The following CEP41 variants were observed in gnomAD, a reference collection of about 807,000 sequenced individuals.
The protein encoded by CEP41 is centrosomal protein 41.
In CEP41, 32 loss-of-function variants were observed where a neutral mutation model predicts 44.3. The observed-to-expected ratio is 0.72, with a 90% CI of 0.54 to 0.97. CEP41 has a LOEUF of 0.97. Among genes scored for constraint, CEP41 ranks in the 50% least tolerant of loss-of-function variants. CEP41 has a pLI of 0.00. For synonymous variants in CEP41, 151 were observed against 168.5 expected, an observed-to-expected ratio of 0.90 and a Z score of 0.80; for missense variants, 432 against 455.2, an observed-to-expected ratio of 0.95 and a Z score of 0.46.
At chr7:130,414,320 C>T (rs1457093038) in intron 3 of CEP41, among the ~76,000 whole-genome samples, 3 of 152,284 alleles carry the variant, frequency 2.0e-5, no homozygotes, top group East Asian at 1.9e-4. Flanking sequence ...CCAAATAGGC[C>T]GAGCTGAGGC....
chr7:130,404,424 T>C, intron 6 of CEP41, 140 bp downstream of exon 6: 1 of 699,186 alleles, frequency 1.4e-6, no homozygotes, highest in South Asian at 1.6e-5. Flanking sequence ...AAAGATAAAG[T>C]AGAAGGCTGG....
chr7:130,397,881 T>C lies in CEP41; in HGVS notation c.*1010A>G, dbSNP rs782213579. 5.1e-5 allele frequency: 23 copies of C among 453,024 alleles called. No individual in the cohort carries two copies. Among genetic ancestry groups the C allele is most frequent in the South Asian group, 2.8e-4 (18 of 64,458 alleles). 28.1% of individuals were successfully genotyped at this position (453,024 alleles called of 1,614,324 possible). ...ACAGTTCAGTCATGAGAATGAAAAG[T>C]AAGCAGGAAATTGCACTAATTACTC... On this transcript the variant is annotated 3_prime_UTR_variant, in exon 11 of 11. Transcript: ENST00000223208.
At chr7:130,406,565 C>G (rs1797015910) in intron 5 of CEP41, among the ~76,000 whole-genome samples, 1 of 151,940 alleles carries the variant, frequency 6.6e-6, no homozygotes, top group Non-Finnish European at 1.5e-5. Flanking sequence ...GCCTGGGCAA[C>G]AGAGCAGGAC....
chr7:130,441,577 C>T (rs116510051), upstream of CEP41, among the ~76,000 whole-genome samples: 390 of 152,312 alleles, frequency 2.6e-3, 1 homozygote, highest in African/African-American at 9.0e-3. Flanking sequence ...TTTAGGCTAG[C>T]TATAGAGCGA....
At chr7:130,432,494 G>A (rs573391379) in intron 1 of CEP41, among the ~76,000 whole-genome samples, 3 of 148,276 alleles carry the variant, frequency 2.0e-5, no homozygotes, top group East Asian at 4.0e-4. Context: ...GCTCACACCC[G>A]TAATCCCATT....
intron 2 of CEP41, among the ~76,000 whole-genome samples, chr7:130,423,207 C>A (rs1260714673): frequency 6.6e-6 from 1 of 152,198 alleles, no homozygotes; most frequent in African/African-American, 2.4e-5. Context: ...CTCGGCCTCC[C>A]AAAGTGCTGG....
chr7:130,423,532 G>T (rs1045331017), intron 2 of CEP41, among the ~76,000 whole-genome samples: 1 of 152,224 alleles, frequency 6.6e-6, no homozygotes, highest in South Asian at 2.1e-4. Flanking sequence ...ATGTGAAGTG[G>T]TGTGGCTGCT....
chr7:130,430,577 C>T (rs892512681), intron 1 of CEP41, among the ~76,000 whole-genome samples: 1 of 152,082 alleles, frequency 6.6e-6, no homozygotes, highest in Non-Finnish European at 1.5e-5. Context: ...GGAAAACATA[C>T]AAAGATTGAA....
chr7:130,399,233 C>A, intron 10 of CEP41, 194 bp from the exon 11 acceptor site: 2 of 662,548 alleles, frequency 3.0e-6, no homozygotes. Context: ...GGGAGGGGGA[C>A]AGAAATGAAG....
rs56874452 is a variant in CEP41 at position 130,432,588 on chromosome 7, CAAAAAAA to C, written c.34-4577_34-4571del. 0.012 allele frequency among the ~76,000 whole-genome samples: 727 copies of C among 59,928 alleles called. 46 individuals carry two copies. The East Asian group carries it at 0.23, about 19-fold the overall frequency. 39.3% of individuals were successfully genotyped at this position (59,928 alleles called of 152,430 possible). ...GCAACACAGGGAAACTTTGTTTCCACAAAAAAAAAAAAAAAAAAAAAAAAATTAGCTG... is the reference window on the plus strand; with the variant it reads ...GCAACACAGGGAAACTTTGTTTCCACAAAAAAAAAAAAAAAAAATTAGCTG... On this transcript the variant is annotated intron_variant, in intron 1 of 10. Transcript: ENST00000223208.
At chr7:130,417,242 T>C in intron 2 of CEP41, 1 of 1,238,440 alleles carries the variant, frequency 8.1e-7, no homozygotes, top group Non-Finnish European at 1.0e-6. Context: ...CAGATGATCA[T>C]TTTCTATCAG....
At chr7:130,406,675 G>T (rs1554418281) in intron 5 of CEP41, among the ~76,000 whole-genome samples, 1 of 152,018 alleles carries the variant, frequency 6.6e-6, no homozygotes. Context: ...AACGTACCTA[G>T]AAATTTTAAG....
At chr7:130,438,788 G>A (rs1354469967) in intron 1 of CEP41, among the ~76,000 whole-genome samples, 1 of 151,934 alleles carries the variant, frequency 6.6e-6, no homozygotes, top group Non-Finnish European at 1.5e-5. Context: ...CCACCCCCAT[G>A]ATACACAATA....
intron 3 of CEP41, among the ~76,000 whole-genome samples, chr7:130,413,779 C>T (rs552883072): frequency 8.5e-5 from 13 of 152,248 alleles, no homozygotes; most frequent in African/African-American, 3.1e-4. Flanking sequence ...GGTTAGCTTC[C>T]TTAAACTGTT....
intron 5 of CEP41, among the ~76,000 whole-genome samples, chr7:130,405,874 G>A (rs899609966): frequency 1.3e-5 from 2 of 152,144 alleles, no homozygotes; most frequent in South Asian, 4.1e-4. Context: ...CTACAGGTTT[G>A]TGTGAGCTGG....
At position 130,409,979 on chromosome 7, in the gene CEP41, C is replaced by T. The variant is rs1482227415; in HGVS notation, c.277+1143G>A. ...TAACTTGTACCTGTTGAGATTCTAC[C>T]CCACTTCAAGGCCCAGTTCCAGTGC... On this transcript the variant is annotated intron_variant, in intron 5 of 10. Transcript: ENST00000223208. 9.3e-5 allele frequency among the ~76,000 whole-genome samples: 14 copies of T among 151,268 alleles called. No individual in the cohort carries two copies. The East Asian group carries it at 2.7e-3, about 29-fold the overall frequency.
intron 5 of CEP41, among the ~76,000 whole-genome samples, chr7:130,410,263 G>A (rs906027763): frequency 1.3e-5 from 2 of 151,764 alleles, no homozygotes; most frequent in East Asian, 1.9e-4. Context: ...TCCTGACCTC[G>A]TGATCTGCCC....
chr7:130,432,961 G>A lies in CEP41; in HGVS notation c.34-4943C>T, dbSNP rs78074724. ...AACATTTAAGGTCAGGTGGAGGAGA[G>A]GCACCTGGGATGAAACTCAGAAGAG... On this transcript the variant is annotated intron_variant, in intron 1 of 10. Transcript: ENST00000223208. Among the ~76,000 whole-genome samples, 114 of 152,242 alleles carry A rather than the reference G, an allele frequency of 7.5e-4. 1 individual carries two copies. In the East Asian group the frequency reaches 0.021, roughly 29 times the overall value.
intron 2 of CEP41, among the ~76,000 whole-genome samples, chr7:130,423,032 C>T (rs1310187960): frequency 1.3e-5 from 2 of 152,198 alleles, no homozygotes; most frequent in Non-Finnish European, 2.9e-5. Context: ...CTGCAGCCCC[C>T]GCCTCCTGGG....
Sources: gnomAD v4.1 joint callset for allele counts (sites outside exome capture counted in the v4.1 genomes callset) on GRCh38, gnomAD v4.1.1 for gene constraint, MANE v1.5 for transcripts, NCBI Gene and HGNC (gene_info 2026-07-23, HGNC 2026-07-21) for gene names.